The following SLC7A14 variants were observed in gnomAD, a reference collection of about 807,000 sequenced individuals.
The protein encoded by SLC7A14 is gamma-aminobutyric acid transporter SLC7A14.
SLC7A14 carries 37 observed loss-of-function variants against 60.2 expected under a neutral mutation model. The ratio of observed to expected loss-of-function variants is 0.61; its 90% CI spans 0.47 to 0.81. SLC7A14 has a LOEUF of 0.81. SLC7A14 is among the 30% of genes least tolerant of loss of function. The probability of loss-of-function intolerance (pLI) is 0.00; values close to 1 mark genes in which losing one functional copy is unlikely to be tolerated. For missense variants in SLC7A14, 886 were observed against 982.7 expected, an observed-to-expected ratio of 0.90 and a Z score of 1.32; for synonymous variants, 399 against 395.8, an observed-to-expected ratio of 1.01 and a Z score of -0.10.
chr3:170,561,485 T>A (rs1714647720), intron 1 of SLC7A14, among the ~76,000 whole-genome samples: 1 of 152,234 alleles, frequency 6.6e-6, no homozygotes, highest in Non-Finnish European at 1.5e-5. Context: ...GGACAAATTG[T>A]GTGTCTTTAG....
rs763674301 is a variant in SLC7A14, at chr3:170,486,236, T to C, written c.892A>G (p.Thr298Ala). The change falls in exon 5 of 8, where the codon ACA becomes GCA. Residue 298 changes from threonine (T) to alanine (A), a missense_variant. By Grantham distance (58) the Thr-to-Ala change is moderately conservative. Coordinates refer to ENST00000231706, the MANE Select transcript of SLC7A14 (RefSeq NM_020949.3). ...CTGGTACTTACAGACACATATGCTGTCAGGCAGATGACCAGGGAGGCAGTG... is the reference window on the plus strand; with the variant it reads ...CTGGTACTTACAGACACATATGCTGCCAGGCAGATGACCAGGGAGGCAGTG... ...AITASLVICLTAYVSVSVILT... is the reference protein window; with the variant it reads ...AITASLVICLAAYVSVSVILT... The C allele has an allele frequency of 1.8e-5, 29 of 1,614,136 alleles. No individual in the cohort carries two copies. Among genetic ancestry groups the C allele is most frequent in the Non-Finnish European group, 2.2e-5 (26 of 1,180,010 alleles).
At chr3:170,499,267 A>G (rs1234491786) in intron 3 of SLC7A14, among the ~76,000 whole-genome samples, 1 of 120,094 alleles carries the variant, frequency 8.3e-6, no homozygotes, top group Non-Finnish European at 1.7e-5. Context: ...AAAAAAAAAA[A>G]GAAGGGCAGT....
intron 5 of SLC7A14, 78 bp downstream of exon 5, chr3:170,486,144 G>C: frequency 6.5e-7 from 1 of 1,542,924 alleles, no homozygotes. Context: ...CATAGGAAAG[G>C]ACTCCTTCCT....
At chr3:170,508,019 A>G (rs1712838705) in intron 2 of SLC7A14, among the ~76,000 whole-genome samples, 2 of 152,216 alleles carry the variant, frequency 1.3e-5, no homozygotes, top group African/African-American at 4.8e-5. Context: ...TGCGTATTCA[A>G]TTAATGGCAG....
chr3:170,572,019 C>CCACTG (rs1452276017), intron 1 of SLC7A14, among the ~76,000 whole-genome samples: 1 of 148,026 alleles, frequency 6.8e-6, no homozygotes, highest in Non-Finnish European at 1.5e-5. Flanking sequence ...CAAGACTGTG[C>CCACTG]CACTGCACTT....
chr3:170,571,226 G>A (rs1335263663), intron 1 of SLC7A14, among the ~76,000 whole-genome samples: 3 of 152,100 alleles, frequency 2.0e-5, no homozygotes, highest in Non-Finnish European at 2.9e-5. Context: ...CTTGCTTTGG[G>A]GTAATCAAAC....
intron 1 of SLC7A14, among the ~76,000 whole-genome samples, chr3:170,553,879 T>G (rs1390547175): frequency 6.6e-6 from 1 of 152,148 alleles, no homozygotes; most frequent in Non-Finnish European, 1.5e-5. Context: ...GTTTGACATT[T>G]TAATATTATC....
intron 3 of SLC7A14, among the ~76,000 whole-genome samples, chr3:170,500,425 C>A (rs1447782126): frequency 9.0e-6 from 1 of 110,960 alleles, no homozygotes; most frequent in Non-Finnish European, 1.7e-5. Flanking sequence ...GGCAACAGAG[C>A]AAGACTCTGT....
chr3:170,536,645 C>T (rs1338904925), intron 1 of SLC7A14, among the ~76,000 whole-genome samples: 1 of 152,190 alleles, frequency 6.6e-6, no homozygotes, highest in Non-Finnish European at 1.5e-5. Flanking sequence ...GAGGTTTTGT[C>T]CCAGTCCCGT....
intron 1 of SLC7A14, among the ~76,000 whole-genome samples, chr3:170,541,765 G>A (rs1714023107): frequency 6.6e-6 from 1 of 152,110 alleles, no homozygotes; most frequent in African/African-American, 2.4e-5. Flanking sequence ...TATTAGATTG[G>A]TGCAAGAGTA....
At position 170,585,092 on chromosome 3, in the gene SLC7A14, G is replaced by A. The variant is rs916854132; in HGVS notation, c.-153+819C>T. ...CACAGGAGAGAGAAGGAGGGTGGGG[G>A]CTGCATCCCGCGTGGCCACGCAGCC... On this transcript the variant is annotated intron_variant, in intron 1 of 7. Transcript: ENST00000231706. This position sits in a 1 kb window ranked among gnomAD's most constrained non-coding sequence, Gnocchi z 5.1. 1.2e-4 allele frequency among the ~76,000 whole-genome samples: 18 copies of A among 152,188 alleles called. No homozygotes were observed. Among genetic ancestry groups the A allele is most frequent in the African/African-American group, 4.3e-4 (18 of 41,456 alleles).
intron 1 of SLC7A14, among the ~76,000 whole-genome samples, chr3:170,583,518 G>C (rs531279371): frequency 2.6e-5 from 4 of 152,342 alleles, no homozygotes; most frequent in African/African-American, 9.6e-5. Context: ...GAAAGGCCCT[G>C]GGCCTGGAAT....
At chr3:170,562,463 G>T (rs1229667983) in intron 1 of SLC7A14, among the ~76,000 whole-genome samples, 1 of 142,388 alleles carries the variant, frequency 7.0e-6, no homozygotes, top group Non-Finnish European at 1.5e-5. Context: ...GCATAAAAAT[G>T]ATTTCATGGA....
At chr3:170,534,273 C>A (rs1713769853) in intron 1 of SLC7A14, among the ~76,000 whole-genome samples, 2 of 152,166 alleles carry the variant, frequency 1.3e-5, no homozygotes, top group African/African-American at 4.8e-5. Flanking sequence ...AGGAGCAATC[C>A]CTATCTGATG....
chr3:170,517,757 C>T (rs1045083828), intron 2 of SLC7A14, among the ~76,000 whole-genome samples: 1 of 152,178 alleles, frequency 6.6e-6, no homozygotes, highest in African/African-American at 2.4e-5. Flanking sequence ...TACCTCCTCC[C>T]TAGGGATTCC....
chr3:170,470,005 C>T (rs1012252495), intron 7 of SLC7A14, among the ~76,000 whole-genome samples: 2 of 152,076 alleles, frequency 1.3e-5, no homozygotes, highest in African/African-American at 4.8e-5. Flanking sequence ...TATGGGAATT[C>T]TCTAAAAACC....
In SLC7A14 at chr3:170,462,881, G is replaced by A. The variant is rs902265532; in HGVS notation, c.*4174C>T. 3 of 152,168 alleles carry A rather than the reference G, an allele frequency of 2.0e-5. No homozygotes were observed. Among genetic ancestry groups the A allele is most frequent in the Admixed American group, 6.5e-5 (1 of 15,272 alleles). The allele number at this position is 152,168 out of a possible 1,614,324, so 9.4% of individuals were successfully genotyped here. A position where few individuals can be genotyped will look rare whatever the true frequency, so the allele number is the denominator to read the frequency against. On this transcript the variant is annotated 3_prime_UTR_variant, in exon 8 of 8. Coordinates refer to ENST00000231706, the MANE Select transcript of SLC7A14 (RefSeq NM_020949.3). ...CTGTTAAATTGTGTTGCTTGTCCACGTATTAAATGGCTGTATTTTCTTAGG... is the reference window on the plus strand; with the variant it reads ...CTGTTAAATTGTGTTGCTTGTCCACATATTAAATGGCTGTATTTTCTTAGG...
chr3:170,574,687 A>G (rs1369266189), intron 1 of SLC7A14, among the ~76,000 whole-genome samples: 2 of 152,222 alleles, frequency 1.3e-5, no homozygotes, highest in Non-Finnish European at 2.9e-5. Context: ...TGGGAATTCT[A>G]GAAAAGGTCC....
intron 2 of SLC7A14, among the ~76,000 whole-genome samples, chr3:170,521,198 G>T (rs937361543): frequency 6.6e-6 from 1 of 152,232 alleles, no homozygotes; most frequent in Non-Finnish European, 1.5e-5. Context: ...GGCAGGACTA[G>T]TGGGAGGAGC....
Sources: allele counts gnomAD v4.1 joint callset (sites outside exome capture counted in the v4.1 genomes callset), GRCh38; gene constraint gnomAD v4.1.1; non-coding constraint Gnocchi (gnomAD v3.1); transcripts MANE v1.5; gene names NCBI Gene and HGNC (gene_info 2026-07-23, HGNC 2026-07-21).